ESR1: variants seen among roughly 807,000 people sequenced by gnomAD.
The protein encoded by ESR1 is estrogen receptor 1.
ESR1 carries 12 observed loss-of-function variants against 52.7 expected under a neutral mutation model. The observed-to-expected ratio is 0.23, with a 90% CI of 0.15 to 0.37. The LOEUF (loss-of-function observed/expected upper bound fraction) is 0.37. ESR1 is among the 10% of genes least tolerant of loss of function. ESR1 has a pLI of 1.00. For synonymous variants in ESR1, 305 were observed against 316.8 expected, an observed-to-expected ratio of 0.96 and a Z score of 0.39; for missense variants, 584 against 779.7, an observed-to-expected ratio of 0.75 and a Z score of 2.99.
At chr6:152,069,942 T>C (rs2048243999) in intron 6 of ESR1, among the ~76,000 whole-genome samples, 1 of 137,264 alleles carries the variant, frequency 7.3e-6, no homozygotes, top group Non-Finnish European at 1.5e-5. Context: ...ACCTAGTAAT[T>C]TGGTTTTGTT....
At chr6:152,048,777 T>G (rs577414961) in intron 5 of ESR1, among the ~76,000 whole-genome samples, 14 of 152,320 alleles carry the variant, frequency 9.2e-5, no homozygotes, top group African/African-American at 3.4e-4. Context: ...ACGGAGAAGA[T>G]GAAGTATTAA....
At chr6:152,091,387 A>G (rs2050166732) in intron 6 of ESR1, among the ~76,000 whole-genome samples, 1 of 152,222 alleles carries the variant, frequency 6.6e-6, no homozygotes. Context: ...GATAAGCTGT[A>G]TTGATGCCAA....
chr6:151,719,549 G>A (rs1314717273), intron 2 of ESR1, among the ~76,000 whole-genome samples: 1 of 152,186 alleles, frequency 6.6e-6, no homozygotes, highest in Non-Finnish European at 1.5e-5. Flanking sequence ...AGCCCAGCAA[G>A]GGAGAAAAGA....
intron 2 of ESR1, among the ~76,000 whole-genome samples, chr6:151,748,052 T>C (rs528993408): frequency 1.1e-3 from 166 of 152,318 alleles, no homozygotes; most frequent in Admixed American, 1.8e-3. Flanking sequence ...TTCCAGGAAC[T>C]GCCAAATGGC....
At chr6:151,716,358 T>C (rs751185028) in intron 2 of ESR1, among the ~76,000 whole-genome samples, 1 of 152,132 alleles carries the variant, frequency 6.6e-6, no homozygotes, top group East Asian at 1.9e-4. Context: ...GCTCAAATAT[T>C]GTGCTGGGGG....
intron 2 of ESR1, among the ~76,000 whole-genome samples, chr6:151,859,588 G>A (rs1562485768): frequency 1.3e-5 from 2 of 152,210 alleles, no homozygotes; most frequent in African/African-American, 2.4e-5. Flanking sequence ...TCTTCTCCAT[G>A]TGTCAGCTTC....
chr6:152,121,271 A>T (rs1315701274), intron 6 of ESR1, among the ~76,000 whole-genome samples: 10 of 152,248 alleles, frequency 6.6e-5, no homozygotes, highest in Admixed American at 6.5e-4. Context: ...TCCGGTAGAC[A>T]ATGAACAATA....
chr6:152,024,672 A>C (rs1470889841), intron 5 of ESR1, among the ~76,000 whole-genome samples: 1 of 147,752 alleles, frequency 6.8e-6, no homozygotes, highest in East Asian at 1.9e-4. Context: ...TATGTATATA[A>C]AAATATATAT....
chr6:151,773,680 T>C (rs1785706788), intron 2 of ESR1, among the ~76,000 whole-genome samples: 1 of 152,306 alleles, frequency 6.6e-6, no homozygotes, highest in Non-Finnish European at 1.5e-5. Context: ...ACTCCAAGGA[T>C]CTCTGTGCAA....
At chr6:152,104,155 T>G (rs757907481), downstream of ESR1, among the ~76,000 whole-genome samples, 13 of 152,102 alleles carry the variant, frequency 8.5e-5, no homozygotes, top group Non-Finnish European at 1.8e-4. Context: ...TGCTTCTCCC[T>G]CTCCAGAGTC....
intron 2 of ESR1, among the ~76,000 whole-genome samples, chr6:151,789,130 G>T (rs1478238814): frequency 6.6e-6 from 1 of 152,094 alleles, no homozygotes. Flanking sequence ...AACCCCAAAA[G>T]GTGAAGTGTT....
intron 2 of ESR1, among the ~76,000 whole-genome samples, chr6:151,851,659 C>G (rs1402441954): frequency 6.6e-6 from 1 of 152,044 alleles, no homozygotes; most frequent in East Asian, 1.9e-4. Flanking sequence ...TCCCGAGTAG[C>G]TAGGATTACA....
At chr6:151,993,620 T>C (rs1197145428) in intron 4 of ESR1, among the ~76,000 whole-genome samples, 1 of 152,230 alleles carries the variant, frequency 6.6e-6, no homozygotes, top group Non-Finnish European at 1.5e-5. Flanking sequence ...TGATCCTAGT[T>C]TTCTGCCCTA....
intron 4 of ESR1, among the ~76,000 whole-genome samples, chr6:151,996,853 G>A (rs949441612): frequency 1.1e-4 from 17 of 152,104 alleles, no homozygotes; most frequent in South Asian, 2.1e-4. Flanking sequence ...TAAGTGCCAC[G>A]CTTGGAGTAA....
At chr6:151,752,419 A>G (rs1249301033) in intron 2 of ESR1, among the ~76,000 whole-genome samples, 1 of 151,606 alleles carries the variant, frequency 6.6e-6, no homozygotes, top group Non-Finnish European at 1.5e-5. Flanking sequence ...CTGTTTTATC[A>G]GTTTACTTCC....
At chr6:151,990,832 A>T (rs1584690198) in intron 4 of ESR1, among the ~76,000 whole-genome samples, 1 of 152,074 alleles carries the variant, frequency 6.6e-6, no homozygotes, top group Non-Finnish European at 1.5e-5. Context: ...AAATTAGGTC[A>T]CCTTTCCCTT....
intron 2 of ESR1, among the ~76,000 whole-genome samples, chr6:151,734,780 G>GC (rs1782519907): frequency 6.6e-6 from 1 of 152,028 alleles, no homozygotes; most frequent in African/African-American, 2.4e-5. Context: ...GAACCACCAT[G>GC]CCAGGCTAAT....
chr6:151,794,778 C>T (rs1222132667), intron 2 of ESR1, among the ~76,000 whole-genome samples: 1 of 152,080 alleles, frequency 6.6e-6, no homozygotes, highest in Non-Finnish European at 1.5e-5. Context: ...GTTCTCCACA[C>T]CTAAGGTGCC....
rs564649648 is a variant in ESR1 at position 152,122,514 on chromosome 6, G to A, written c.851-2752G>A. 7 of 1,614,228 alleles carry A rather than the reference G, an allele frequency of 4.3e-6. No individual in the cohort carries two copies. The African/African-American group carries it at 8.0e-5, about 18-fold the overall frequency. On this transcript the variant is annotated intron_variant, in intron 6 of 6. Transcript: ENST00000427531. ...CAAAGTTGTTGGAGAGGGCACAGCT[G>A]TAGTCTTCCTCTGACATTGGTACAA...
Sources: allele counts gnomAD v4.1 joint callset (sites outside exome capture counted in the v4.1 genomes callset), GRCh38; gene constraint gnomAD v4.1.1; transcripts MANE v1.5; gene names NCBI Gene and HGNC (gene_info 2026-07-23, HGNC 2026-07-21).